Variants in SLC1A2 observed in about 807,000 individuals in gnomAD.
SLC1A2 encodes the protein excitatory amino acid transporter 2.
Under a neutral mutation model 48.8 loss-of-function variants are expected in SLC1A2, and 15 were observed. That is an observed-to-expected ratio of 0.31 (90% CI 0.21 to 0.47). The LOEUF is 0.47. SLC1A2 is among the 20% of genes least tolerant of loss of function. The pLI is 0.99. For missense variants in SLC1A2, 502 were observed against 730.5 expected (o/e 0.69, Z 3.61); for synonymous variants, 279 against 272.6 (o/e 1.02, Z -0.23).
rs77154903 is a variant in SLC1A2, at chr11:35,332,237, G to A, written c.18-14721C>T. ...CCTGAAGTCATTCCAGCAGCACCAC[G>A]TCTCCTCAACAGCCTGGAAGTGGTG... On this transcript the variant is annotated intron_variant, in intron 1 of 10. Transcript: ENST00000278379. 4.4e-3 allele frequency among the ~76,000 whole-genome samples: 666 copies of A among 152,246 alleles called. 12 individuals carry two copies. In the East Asian group the frequency reaches 0.065, roughly 15 times the overall value.
chr11:35,315,840 A>T (rs1040296451), intron 2 of SLC1A2: 17 of 152,282 alleles, frequency 1.1e-4, no homozygotes, highest in Non-Finnish European at 1.9e-4. Flanking sequence ...AAAAGAAAAA[A>T]GAAAGAAAGA....
intron 9 of SLC1A2, among the ~76,000 whole-genome samples, chr11:35,271,958 G>GTT (rs775816906): frequency 2.6e-4 from 39 of 152,300 alleles, no homozygotes; most frequent in Admixed American, 3.3e-4. Context: ...AAAATGGAAA[G>GTT]TGAAGTGAAG....
intron 5 of SLC1A2, among the ~76,000 whole-genome samples, chr11:35,304,114 G>A (rs981873514): frequency 4.6e-5 from 7 of 152,038 alleles, no homozygotes; most frequent in East Asian, 1.9e-4. Context: ...TCACTGGAAC[G>A]GGGGTGTTGC....
chr11:35,312,251 C>T lies in SLC1A2; in HGVS notation c.508G>A (p.Asp170Asn). ...DEVSSLDAFLDLIRNLFPENL... is the reference protein window; with the variant it reads ...DEVSSLDAFLNLIRNLFPENL... ...TCAGGGAAGAGATTTCGAATAAGGTCCAGGAAGGCATCCAGGCTGGACACT... is the reference window on the plus strand; with the variant it reads ...TCAGGGAAGAGATTTCGAATAAGGTTCAGGAAGGCATCCAGGCTGGACACT... The change falls in exon 4 of 11, where the codon GAC becomes AAC. Residue 170 changes from aspartate to asparagine, a missense_variant. Coordinates refer to ENST00000278379, the MANE Select transcript of SLC1A2 (RefSeq NM_004171.4). 1 of 1,614,070 alleles carries T rather than the reference C, an allele frequency of 6.2e-7. No individual in the cohort carries two copies. Among genetic ancestry groups the T allele is most frequent in the Non-Finnish European group, 8.5e-7 (1 of 1,179,982 alleles).
intron 1 of SLC1A2, among the ~76,000 whole-genome samples, chr11:35,379,688 G>T (rs1266623247): frequency 2.0e-5 from 3 of 152,184 alleles, no homozygotes; most frequent in Non-Finnish European, 2.9e-5. Context: ...TGGAAACAAT[G>T]CTAAGCACAT....
chr11:35,253,562 A>G lies in SLC1A2; in HGVS notation c.*7332T>C, dbSNP rs1950271790. The G allele has an allele frequency of 6.5e-6, 1 of 152,678 alleles. No individual in the cohort carries two copies. 9.5% of individuals were successfully genotyped at this position (152,678 alleles called of 1,614,324 possible). The stretch of plus-strand genomic sequence containing the variant: ...AGGCCTGGTGTCAAACATTTAAAAA[A>G]TCAGCACCATTCCTTGAGTTAGAAA... On this transcript the variant is annotated 3_prime_UTR_variant, in exon 11 of 11. Coordinates refer to ENST00000278379, the MANE Select transcript of SLC1A2 (RefSeq NM_004171.4).
chr11:35,266,698 CA>C (rs35034122), intron 9 of SLC1A2, among the ~76,000 whole-genome samples: 54,841 of 151,626 alleles, frequency 0.36, 10,358 homozygotes, highest in South Asian at 0.54. Context: ...TGGAAAACCA[CA>C]AAAAAAAGTT....
Position 35,309,963 on chromosome 11 carries a change from C to A in SLC1A2, c.561+2235G>T, listed in dbSNP as rs189793647. Among the ~76,000 whole-genome samples, 158 of 152,276 alleles carry A rather than the reference C, an allele frequency of 1.0e-3. 1 individual carries two copies. The highest frequency in any genetic ancestry group is 3.8e-3 in the African/African-American group (158 of 41,570). ...AATAGAAAGTTGGGGTCAGGGCTGG[C>A]GTGGGGCAGGGAATGGCTCAGGTCT... On this transcript the variant is annotated intron_variant, in intron 4 of 10. Transcript: ENST00000278379.
At chr11:35,397,454 G>C (rs1474061952) in intron 1 of SLC1A2, among the ~76,000 whole-genome samples, 1 of 148,658 alleles carries the variant, frequency 6.7e-6, no homozygotes, top group African/African-American at 2.5e-5. Context: ...AATAAATGGT[G>C]CTGGGAAAAC....
At chr11:35,284,127 A>T (rs1850738219) in intron 8 of SLC1A2, among the ~76,000 whole-genome samples, 1 of 147,548 alleles carries the variant, frequency 6.8e-6, no homozygotes, top group Admixed American at 6.8e-5. Flanking sequence ...TTATTTTGCA[A>T]CCCAACAGTA....
chr11:35,268,475 G>C (rs570269833), intron 9 of SLC1A2, among the ~76,000 whole-genome samples: 1 of 152,210 alleles, frequency 6.6e-6, no homozygotes, highest in East Asian at 1.9e-4. Context: ...TCAGGCATTT[G>C]AGACCAGCCT....
At chr11:35,282,695 C>T (rs1041191687) in intron 8 of SLC1A2, among the ~76,000 whole-genome samples, 12 of 152,244 alleles carry the variant, frequency 7.9e-5, no homozygotes, top group Non-Finnish European at 1.5e-4. Context: ...TTGACCTTGA[C>T]TGTTTTATAC....
Position 35,419,153 on chromosome 11 carries a change from G to A in SLC1A2, c.-187C>T. On this transcript the variant is annotated 5_prime_UTR_variant, in exon 1 of 11. Transcript: ENST00000278379. This position sits in a 1 kb window ranked among gnomAD's most constrained non-coding sequence, Gnocchi z 5.4. ...ACGGGCGCAGGAGGCTCCTGCGGGC[G>A]CTAATCCGCGTCCCGGCTCTCCACG... is the stretch of plus-strand genomic sequence containing the variant. 2.1e-6 allele frequency: 1 copy of A among 486,468 alleles called. No individual in the cohort carries two copies. Among genetic ancestry groups the A allele is most frequent in the Non-Finnish European group, 3.6e-6 (1 of 275,350 alleles). 30.1% of individuals were successfully genotyped at this position (486,468 alleles called of 1,614,324 possible).
chr11:35,328,543 A>G (rs3903688), intron 1 of SLC1A2, among the ~76,000 whole-genome samples: 1 of 152,108 alleles, frequency 6.6e-6, no homozygotes, highest in African/African-American at 2.4e-5. Context: ...ATGTCACAAA[A>G]GTAATGGATG....
intron 1 of SLC1A2, among the ~76,000 whole-genome samples, chr11:35,327,718 A>T (rs563897992): frequency 6.6e-6 from 1 of 152,340 alleles, no homozygotes; most frequent in African/African-American, 2.4e-5. Flanking sequence ...TTTTGCATTC[A>T]TCAAGAGTTA....
rs117439071 is a variant in SLC1A2 at position 35,327,601 on chromosome 11, T to C, written c.18-10085A>G. 2.6e-5 allele frequency among the ~76,000 whole-genome samples: 4 copies of C among 152,344 alleles called. No individual in the cohort carries two copies. In the East Asian group the frequency reaches 7.7e-4, roughly 29 times the overall value. Reference sequence around the variant, plus strand: ...TTCCATAACAGGAACCCAAGCAGACTCTTCTCCTTGTGTTCATCTTTCAAT... The same window carrying C: ...TTCCATAACAGGAACCCAAGCAGACCCTTCTCCTTGTGTTCATCTTTCAAT... On this transcript the variant is annotated intron_variant, in intron 1 of 10. Coordinates refer to ENST00000278379, the MANE Select transcript of SLC1A2 (RefSeq NM_004171.4).
intron 1 of SLC1A2, among the ~76,000 whole-genome samples, chr11:35,360,388 C>A (rs915015331): frequency 6.6e-6 from 1 of 152,206 alleles, no homozygotes; most frequent in African/African-American, 2.4e-5. Flanking sequence ...TCCCAGCAGC[C>A]TGTGGGTAAG....
chr11:35,414,652 A>C (rs1855559529), intron 1 of SLC1A2, among the ~76,000 whole-genome samples: 1 of 152,214 alleles, frequency 6.6e-6, no homozygotes, highest in Non-Finnish European at 1.5e-5. Flanking sequence ...CAAGCTGTTA[A>C]GGGCATGAAA....
intron 4 of SLC1A2, among the ~76,000 whole-genome samples, chr11:35,311,747 C>T (rs575163094): frequency 1.3e-4 from 20 of 151,766 alleles, no homozygotes; most frequent in African/African-American, 4.6e-4. Context: ...TTTACTGCCA[C>T]GTTTGAGAAC....
Sources: gnomAD v4.1 joint callset for allele counts (sites outside exome capture counted in the v4.1 genomes callset) on GRCh38, gnomAD v4.1.1 for gene constraint, Gnocchi (gnomAD v3.1) non-coding constraint, MANE v1.5 for transcripts, NCBI Gene and HGNC (gene_info 2026-07-23, HGNC 2026-07-21) for gene names.